Variants in EIF3H observed in about 807,000 individuals in gnomAD.
EIF3H encodes the protein eukaryotic translation initiation factor 3 subunit H.
A neutral mutation model predicts 44.2 loss-of-function variants in EIF3H; 26 were observed. That is an observed-to-expected ratio of 0.59 (90% CI 0.43 to 0.82). EIF3H has a LOEUF of 0.82. Ranked by LOEUF, EIF3H falls within the 40% of genes least tolerant of loss-of-function variation. EIF3H has a pLI of 0.00. For synonymous variants in EIF3H, 166 were observed against 151.9 expected, an observed-to-expected ratio of 1.09 and a Z score of -0.68; for missense variants, 359 against 432.8, an observed-to-expected ratio of 0.83 and a Z score of 1.51.
At chr8:116,659,068 C>A in intron 2 of EIF3H, 88 bp from the exon 3 acceptor site, 1 of 1,128,428 alleles carries the variant, frequency 8.9e-7, no homozygotes, top group East Asian at 2.7e-5. Context: ...AAACAAATGT[C>A]TACATAACAA....
At chr8:116,752,684 GAA>G (rs1260926674) in intron 1 of EIF3H, among the ~76,000 whole-genome samples, 1 of 110,274 alleles carries the variant, frequency 9.1e-6, no homozygotes, top group Non-Finnish European at 1.9e-5. Context: ...AAGAAAGAAA[GAA>G]AGAAAGAAAG....
intron 1 of EIF3H, among the ~76,000 whole-genome samples, chr8:116,749,061 C>T (rs1363952191): frequency 6.6e-6 from 1 of 152,048 alleles, no homozygotes; most frequent in Non-Finnish European, 1.5e-5. Flanking sequence ...ACATACTCTA[C>T]CTTACTTACA....
At chr8:116,719,758 G>A (rs1365681101) in intron 2 of EIF3H, among the ~76,000 whole-genome samples, 8 of 149,974 alleles carry the variant, frequency 5.3e-5, no homozygotes, top group African/African-American at 2.0e-4. Flanking sequence ...AACTAAAGAA[G>A]ACTGTTGTCT....
chr8:116,708,489 G>A (rs1260473293), intron 2 of EIF3H, among the ~76,000 whole-genome samples: 1 of 151,962 alleles, frequency 6.6e-6, no homozygotes, highest in Non-Finnish European at 1.5e-5. Context: ...ATTAGTAAAA[G>A]TGCTGATATT....
chr8:116,664,714 T>C (rs1423697170), intron 2 of EIF3H, among the ~76,000 whole-genome samples: 1 of 152,160 alleles, frequency 6.6e-6, no homozygotes, highest in Admixed American at 6.5e-5. Context: ...AAAAGAAGTG[T>C]TTTGCAGATG....
At chr8:116,715,160 T>G (rs962845951) in intron 2 of EIF3H, among the ~76,000 whole-genome samples, 2 of 152,140 alleles carry the variant, frequency 1.3e-5, no homozygotes, top group Non-Finnish European at 2.9e-5. Context: ...AATATTTTAA[T>G]TACAGTTTTG....
chr8:116,735,663 A>G (rs879468855), intron 1 of EIF3H, among the ~76,000 whole-genome samples: 5 of 152,032 alleles, frequency 3.3e-5, no homozygotes, highest in African/African-American at 4.8e-5. Context: ...CACCACCACC[A>G]CCACCACATA....
intron 2 of EIF3H, among the ~76,000 whole-genome samples, chr8:116,664,963 T>G (rs2130805355): frequency 6.6e-6 from 1 of 152,296 alleles, no homozygotes; most frequent in Non-Finnish European, 1.5e-5. Context: ...TCCTGCTAAG[T>G]GTTCCACATA....
intron 2 of EIF3H, among the ~76,000 whole-genome samples, chr8:116,691,736 G>A (rs529244081): frequency 1.3e-5 from 2 of 152,202 alleles, no homozygotes; most frequent in East Asian, 3.9e-4. Context: ...TTAGCTGGGT[G>A]TAGTTGTGCA....
intron 7 of EIF3H, among the ~76,000 whole-genome samples, chr8:116,645,678 T>G (rs1813284492): frequency 6.6e-6 from 1 of 152,232 alleles, no homozygotes; most frequent in African/African-American, 2.4e-5. Context: ...CTTCAAAATA[T>G]AAGGATCTCA....
At chr8:116,709,897 T>C (rs1360673356) in intron 2 of EIF3H, among the ~76,000 whole-genome samples, 2 of 152,192 alleles carry the variant, frequency 1.3e-5, no homozygotes, top group East Asian at 1.9e-4. Context: ...GTCTCAGCCA[T>C]AGGTACCAGG....
In EIF3H at chr8:116,693,314, C is replaced by T. The variant is rs182924581; in HGVS notation, c.289+32702G>A. On this transcript the variant is annotated intron_variant, in intron 2 of 7. Coordinates refer to ENST00000521861, the MANE Select transcript of EIF3H (RefSeq NM_003756.3). ...AAATTTTAGCAACTGCTTGTTAGCT[C>T]AACAGAGTGAGCTCCTTAAGAGTGA... 2.7e-3 allele frequency among the ~76,000 whole-genome samples: 405 copies of T among 152,282 alleles called. 2 individuals are homozygous for T. Among genetic ancestry groups the T allele is most frequent in the Non-Finnish European group, 4.5e-3 (309 of 68,010 alleles).
At chr8:116,658,118 C>T (rs910111086) in intron 3 of EIF3H, 4 of 152,218 alleles carry the variant, frequency 2.6e-5, no homozygotes, top group African/African-American at 9.6e-5. Flanking sequence ...TTGTTCTTTA[C>T]TGTAATCCAA....
chr8:116,716,422 T>A (rs1295402209), intron 2 of EIF3H, among the ~76,000 whole-genome samples: 1 of 152,104 alleles, frequency 6.6e-6, no homozygotes, highest in African/African-American at 2.4e-5. Context: ...TTCCTAGGTG[T>A]GCCAGTGAAA....
intron 1 of EIF3H, among the ~76,000 whole-genome samples, chr8:116,742,721 G>C (rs1815152475): frequency 6.6e-6 from 1 of 152,176 alleles, no homozygotes. Context: ...CTGCCTCCTT[G>C]CTAAGGTAAG....
chr8:116,680,803 A>T (rs1169002566), intron 2 of EIF3H, among the ~76,000 whole-genome samples: 2 of 142,600 alleles, frequency 1.4e-5, no homozygotes, highest in Non-Finnish European at 3.1e-5. Context: ...CCTCTGCGAG[A>T]AACACCCAAG....
intron 1 of EIF3H, among the ~76,000 whole-genome samples, chr8:116,743,065 G>C (rs965114533): frequency 1.3e-5 from 2 of 152,132 alleles, no homozygotes; most frequent in Non-Finnish European, 2.9e-5. Context: ...TCTCCAAAAG[G>C]AAATACTTTT....
At chr8:116,745,925 GAA>G (rs768289970) in intron 1 of EIF3H, among the ~76,000 whole-genome samples, 2 of 137,304 alleles carry the variant, frequency 1.5e-5, no homozygotes, top group African/African-American at 2.7e-5. Context: ...TGTCTCAAAG[GAA>G]AAAAAAAAAA....
chr8:116,713,889 C>A (rs1814615897), intron 2 of EIF3H, among the ~76,000 whole-genome samples: 1 of 152,034 alleles, frequency 6.6e-6, no homozygotes, highest in Non-Finnish European at 1.5e-5. Context: ...CAGATTCTCT[C>A]TAGTTACCTG....
Sources: gnomAD v4.1 joint callset for allele counts (sites outside exome capture counted in the v4.1 genomes callset) on GRCh38, gnomAD v4.1.1 for gene constraint, MANE v1.5 for transcripts, NCBI Gene and HGNC (gene_info 2026-07-23, HGNC 2026-07-21) for gene names.